HTT: variants seen among roughly 807,000 people sequenced by gnomAD.
HTT encodes huntington disease protein.
HTT carries 104 observed loss-of-function variants against 362.3 expected under a neutral mutation model. The observed-to-expected ratio is 0.29, with a 90% CI of 0.24 to 0.34. The LOEUF (loss-of-function observed/expected upper bound fraction) is 0.34, where lower values mean the gene tolerates loss of function less well. HTT is among the 10% of genes least tolerant of loss of function. HTT has a pLI of 1.00. For synonymous variants in HTT, 1,577 were observed against 1,548.7 expected, an observed-to-expected ratio of 1.02 and a Z score of -0.43; for missense variants, 3,301 against 3,928.6, an observed-to-expected ratio of 0.84 and a Z score of 4.27.
chr4:3,229,855 C>T (rs758036727), intron 59 of HTT, 32 bp from the exon 60 acceptor site: 2 of 1,612,160 alleles, frequency 1.2e-6, no homozygotes, highest in Non-Finnish European at 1.7e-6. Context: ...GCGCGATTCT[C>T]CCCTTGCCCT....
At position 3,228,273 on chromosome 4, in the gene HTT, G is replaced by A. The variant is rs1452205383; in HGVS notation, c.7849-342G>A. On this transcript the variant is annotated intron_variant, in intron 57 of 66. Transcript: ENST00000355072. The surrounding 1 kb of genome is among the most constrained non-coding windows in gnomAD (Gnocchi z 4.3). Reference sequence around the variant, plus strand: ...CGGGAGACTGGAAAAGGAATCTCACGTATTGGTTCCGTGTTTTGGGGACTC... The same window carrying A: ...CGGGAGACTGGAAAAGGAATCTCACATATTGGTTCCGTGTTTTGGGGACTC... Among the ~76,000 whole-genome samples, 14 of 152,224 alleles carry A rather than the reference G, an allele frequency of 9.2e-5. No homozygotes were observed. The highest frequency in any genetic ancestry group is 5.8e-4 in the East Asian group (3 of 5,196).
intron 41 of HTT, among the ~76,000 whole-genome samples, chr4:3,200,845 C>G (rs937985101): frequency 2.0e-5 from 3 of 152,228 alleles, no homozygotes; most frequent in African/African-American, 7.2e-5. Context: ...GTTACGATGA[C>G]TGAGCACTGT....
intron 52 of HTT, 111 bp from the exon 53 acceptor site, chr4:3,220,071 T>G: frequency 8.5e-7 from 1 of 1,171,046 alleles, no homozygotes; most frequent in Non-Finnish European, 1.3e-6. Context: ...TGGGACAGTG[T>G]TGGGGTAGTG....
At chr4:3,098,281 T>C (rs1301575958) in intron 2 of HTT, among the ~76,000 whole-genome samples, 3 of 152,256 alleles carry the variant, frequency 2.0e-5, no homozygotes, top group African/African-American at 7.2e-5. Context: ...TTGTTGATCA[T>C]TACTGATGTG....
intron 6 of HTT, 26 bp from the exon 7 acceptor site, chr4:3,115,278 A>G (rs1050870856): frequency 5.0e-6 from 8 of 1,605,602 alleles, no homozygotes; most frequent in Non-Finnish European, 5.1e-6. Flanking sequence ...TTCATCTTTT[A>G]TCTACTTGGA....
At chr4:3,152,074 T>A (rs966980055) in intron 26 of HTT, among the ~76,000 whole-genome samples, 3 of 151,592 alleles carry the variant, frequency 2.0e-5, no homozygotes, top group Non-Finnish European at 4.4e-5. Flanking sequence ...ACTACAGGCA[T>A]ACCCACCATG....
chr4:3,220,243 TC>T lies in HTT; in HGVS notation c.7308del (p.Val2437TrpfsTer20). ...GATTTTGGCACAGCATTCCCTGAGA[TC>T]CCCGTGGAGTTCCTCCAGGAAAAGG... ...GGDFGTAFPE[I>X]PVEFLQEKEV... On this transcript the variant is annotated frameshift_variant, in exon 53 of 67. Coordinates refer to ENST00000355072, the MANE Select transcript of HTT (RefSeq NM_001388492.1). LOFTEE classifies it high-confidence loss of function. The T allele has an allele frequency of 6.2e-7, 1 of 1,614,046 alleles. No individual in the cohort carries two copies. The highest frequency in any genetic ancestry group is 1.1e-5 in the South Asian group (1 of 91,076).
At position 3,138,587 on chromosome 4, in the gene HTT, T is replaced by C. The variant is rs1040374794; in HGVS notation, c.2799-1923T>C. ...AAAAAGTTAAATATGTATCAGTTTT[T>C]TGGGCAGAAGTTGATACTTCTCTTT... On this transcript the variant is annotated intron_variant, in intron 21 of 66. Coordinates refer to ENST00000355072, the MANE Select transcript of HTT (RefSeq NM_001388492.1). Among the ~76,000 whole-genome samples the C allele has an allele frequency of 2.0e-5, 3 of 152,180 alleles. No homozygotes were observed. In the East Asian group the frequency reaches 5.8e-4, roughly 29 times the overall value.
Position 3,103,813 on chromosome 4 carries a change from A to T in HTT, c.469-11A>T, listed in dbSNP as rs1714277853. ...ATGTGTCTTCCATAAATCTCTTGTG[A>T]TTTGTTGTAGGCTTTGATGGATTCT... On this transcript the variant is annotated splice_polypyrimidine_tract_variant and intron_variant, in intron 3 of 66. Coordinates refer to ENST00000355072, the MANE Select transcript of HTT (RefSeq NM_001388492.1). 1 of 1,570,280 alleles carries T rather than the reference A, an allele frequency of 6.4e-7. No homozygotes were observed. The highest frequency in any genetic ancestry group is 1.4e-5 in the African/African-American group (1 of 73,858).
At chr4:3,177,460 A>G in intron 34 of HTT, 73 bp downstream of exon 34, 1 of 1,022,112 alleles carries the variant, frequency 9.8e-7, no homozygotes, top group Non-Finnish European at 1.5e-6. Context: ...TTATTAAGTG[A>G]ATGTTTAAAC....
rs1719864269 is a variant in HTT at position 3,206,596 on chromosome 4, T to C, written c.5819T>C (p.Ile1940Thr). 5 of 1,614,034 alleles carry C rather than the reference T, an allele frequency of 3.1e-6. No homozygotes were observed. Among genetic ancestry groups the C allele is most frequent in the African/African-American group, 2.7e-5 (2 of 74,920 alleles). ...LSHEPPVQDF[I>T]SAVHRNSAAS... The stretch of plus-strand genomic sequence containing the variant: ...CACGAGCCTCCAGTACAGGACTTCA[T>C]CAGTGCCGTTCATCGGAACTCTGCT... The change falls in exon 43 of 67, where the codon ATC (isoleucine) becomes ACC (threonine). Residue 1940 changes from isoleucine (I) to threonine (T), a missense_variant. By Grantham distance (89) the Ile-to-Thr change is moderately conservative. Coordinates refer to ENST00000355072, the MANE Select transcript of HTT (RefSeq NM_001388492.1). The surrounding 1 kb of genome is among the most constrained non-coding windows in gnomAD (Gnocchi z 4.6).
chr4:3,187,180 G>A (rs2110247655), intron 38 of HTT, among the ~76,000 whole-genome samples: 1 of 150,806 alleles, frequency 6.6e-6, no homozygotes, highest in Non-Finnish European at 1.5e-5. Flanking sequence ...TTTGGAGATG[G>A]AGCCTTGCTC....
chr4:3,243,310 TCCC>T lies in HTT; in HGVS notation c.*3254_*3256del, dbSNP rs1389596121. 6.6e-6 allele frequency: 1 copy of T among 152,542 alleles called. No homozygotes were observed. Among genetic ancestry groups the T allele is most frequent in the Non-Finnish European group, 1.5e-5 (1 of 68,072 alleles). 9.4% of individuals were successfully genotyped at this position (152,542 alleles called of 1,614,324 possible). A position where few individuals can be genotyped will look rare whatever the true frequency, so the allele number is the denominator to read the frequency against. On this transcript the variant is annotated 3_prime_UTR_variant, in exon 67 of 67. Transcript: ENST00000355072. Reference sequence around the variant, plus strand: ...AGACATCCTCATCGGGCTTTGTCCCTCCCCCGCTTCCTCCCTCTGCGGGGAGGA... The same window carrying T: ...AGACATCCTCATCGGGCTTTGTCCCTCCGCTTCCTCCCTCTGCGGGGAGGA...
intron 56 of HTT, 24 bp downstream of exon 56, chr4:3,224,155 G>A (rs766320202): frequency 1.2e-6 from 2 of 1,613,158 alleles, no homozygotes; most frequent in South Asian, 1.1e-5. Flanking sequence ...AGGGTGCGGG[G>A]GAGCGGTTGT....
At position 3,233,879 on chromosome 4, in the gene HTT, A is replaced by G. The variant is rs142827283; in HGVS notation, c.8456+526A>G. Among the ~76,000 whole-genome samples, 727 of 152,340 alleles carry G rather than the reference A, an allele frequency of 4.8e-3. 7 individuals carry two copies. The highest frequency in any genetic ancestry group is 0.015 in the African/African-American group (610 of 41,584). ...CTTCACAGCGATGTCTTACAAGCGC[A>G]GAGGGCTCTGTGACACCCTGGTCTC... On this transcript the variant is annotated intron_variant, in intron 61 of 66. Coordinates refer to ENST00000355072, the MANE Select transcript of HTT (RefSeq NM_001388492.1).
Position 3,242,794 on chromosome 4 carries a change from A to C in HTT, c.*2735A>C, listed in dbSNP as rs1578625431. The stretch of plus-strand genomic sequence containing the variant: ...GCTGGTAATATCGGGAAAGATTTTA[A>C]TGAAACCAGGGTAGAATTGTTTGGC... On this transcript the variant is annotated 3_prime_UTR_variant, in exon 67 of 67. Transcript: ENST00000355072. The C allele has an allele frequency of 6.6e-6, 1 of 152,204 alleles. No homozygotes were observed. The highest frequency in any genetic ancestry group is 1.5e-5 in the Non-Finnish European group (1 of 68,040). 9.4% of individuals were successfully genotyped at this position (152,204 alleles called of 1,614,324 possible).
chr4:3,178,122 G>A (rs1305100357), intron 34 of HTT, among the ~76,000 whole-genome samples, 176 bp from the exon 35 acceptor site: 1 of 152,202 alleles, frequency 6.6e-6, no homozygotes, highest in East Asian at 1.9e-4. Context: ...CCTGCTCTGC[G>A]CGAGGGCACA....
chr4:3,195,127 A>G (rs1578578147), intron 40 of HTT, among the ~76,000 whole-genome samples: 1 of 151,814 alleles, frequency 6.6e-6, no homozygotes, highest in Admixed American at 6.6e-5. Context: ...CTTTCAGAAT[A>G]CCCACCATGG....
At chr4:3,187,246 C>A (rs982972367) in intron 38 of HTT, among the ~76,000 whole-genome samples, 1 of 150,610 alleles carries the variant, frequency 6.6e-6, no homozygotes, top group Non-Finnish European at 1.5e-5. Context: ...ACCTCCGCCT[C>A]CCGGGTTCAA....
Sources: gnomAD v4.1 joint callset for allele counts (sites outside exome capture counted in the v4.1 genomes callset) on GRCh38, gnomAD v4.1.1 for gene constraint, Gnocchi (gnomAD v3.1) non-coding constraint, MANE v1.5 for transcripts, NCBI Gene and HGNC (gene_info 2026-07-23, HGNC 2026-07-21) for gene names.